Variants in FBXL5 observed in about 807,000 individuals in gnomAD.
FBXL5 encodes F-box and leucine rich repeat protein 5, also known as F-box/LRR-repeat protein 5.
FBXL5 carries 26 observed loss-of-function variants against 78.3 expected under a neutral mutation model. That is an observed-to-expected ratio of 0.33 (90% CI 0.24 to 0.46). FBXL5 has a LOEUF of 0.46. FBXL5 is among the 20% of genes least tolerant of loss of function. The probability of loss-of-function intolerance (pLI) is 1.00; values close to 1 mark genes in which losing one functional copy is unlikely to be tolerated. For missense variants in FBXL5, 710 were observed against 829.2 expected (o/e 0.86, Z 1.77); for synonymous variants, 295 against 282.5 (o/e 1.04, Z -0.45).
intron 3 of FBXL5, 23 bp from the exon 4 acceptor site, chr4:15,638,717 G>A (rs377172431): frequency 4.7e-4 from 670 of 1,438,056 alleles, no homozygotes; most frequent in Non-Finnish European, 6.0e-4. Context: ...AAATATTCAC[G>A]AGGAAAGATG....
chr4:15,675,064 A>G (rs1717934322), intron 1 of FBXL5, among the ~76,000 whole-genome samples: 1 of 152,228 alleles, frequency 6.6e-6, no homozygotes, highest in East Asian at 1.9e-4. Flanking sequence ...TGCCACTACA[A>G]AACACTTTAT....
At chr4:15,673,380 G>GCAGT (rs1717843788) in intron 1 of FBXL5, among the ~76,000 whole-genome samples, 1 of 152,120 alleles carries the variant, frequency 6.6e-6, no homozygotes, top group Admixed American at 6.5e-5. Flanking sequence ...GGTCGAGGCT[G>GCAGT]CAGTGAGCCA....
At position 15,625,330 on chromosome 4, in the gene FBXL5, T is replaced by A; in HGVS notation, c.1772A>T (p.Lys591Ile). 6.2e-7 allele frequency: 1 copy of A among 1,614,200 alleles called. No individual in the cohort carries two copies. The change falls in exon 9 of 11, where the codon AAA becomes ATA. Residue 591 changes from lysine to isoleucine, a missense_variant. Lys to Ile is a moderately radical substitution (Grantham distance 102). Around this residue, in one of 4 missense-constraint regions of FBXL5, gnomAD observed 517 missense variants for 542.9 expected, o/e 0.95. Transcript: ENST00000341285. ...GKDLIYFGSEKSDQETGRVLL... is the reference protein window; with the variant it reads ...GKDLIYFGSEISDQETGRVLL... ...TACACGTCCAGTCTCTTGATCAGATTTTTCACTCCCAAAGTAAATTAAGTC... is the reference window on the plus strand; with the variant it reads ...TACACGTCCAGTCTCTTGATCAGATATTTCACTCCCAAAGTAAATTAAGTC...
chr4:15,636,103 TA>T (rs1459470763), intron 5 of FBXL5, among the ~76,000 whole-genome samples: 2 of 152,036 alleles, frequency 1.3e-5, no homozygotes, highest in Non-Finnish European at 2.9e-5. Flanking sequence ...TAATTATTAT[TA>T]AACATAATTA....
chr4:15,626,992 G>A, intron 7 of FBXL5, 37 bp from the exon 8 acceptor site: 1 of 1,382,736 alleles, frequency 7.2e-7, no homozygotes, highest in East Asian at 2.3e-5. Flanking sequence ...AAGATCTGCA[G>A]AACTTCAGTT....
intron 3 of FBXL5, among the ~76,000 whole-genome samples, chr4:15,639,303 T>A (rs1218978297): frequency 6.6e-6 from 1 of 152,256 alleles, no homozygotes; most frequent in Admixed American, 6.5e-5. Flanking sequence ...TTCTGTTAGA[T>A]GTTTAGGTCA....
chr4:15,632,033 G>A (rs1453674684), intron 5 of FBXL5, among the ~76,000 whole-genome samples: 3 of 152,148 alleles, frequency 2.0e-5, no homozygotes, highest in African/African-American at 7.2e-5. Context: ...TTCTTCTAGG[G>A]TTTTTATGGT....
At chr4:15,644,906 G>A (rs527265460) in intron 1 of FBXL5, among the ~76,000 whole-genome samples, 198 bp from the exon 2 acceptor site, 31 of 152,282 alleles carry the variant, frequency 2.0e-4, no homozygotes, top group Non-Finnish European at 3.5e-4. Context: ...GAAGATGTTG[G>A]TTTGCATTCT....
intron 9 of FBXL5, among the ~76,000 whole-genome samples, chr4:15,624,932 A>G (rs369663447): frequency 6.6e-6 from 1 of 152,232 alleles, no homozygotes; most frequent in Admixed American, 6.5e-5. Context: ...TTCTTGTTAC[A>G]TGTTCTTGAG....
intron 1 of FBXL5, among the ~76,000 whole-genome samples, chr4:15,669,977 CATT>C (rs1717693733): frequency 6.6e-6 from 1 of 152,062 alleles, no homozygotes; most frequent in Non-Finnish European, 1.5e-5. Context: ...TGGAAAAGGA[CATT>C]ATTATAGAAA....
chr4:15,658,398 C>T (rs1345581645), upstream of FBXL5, among the ~76,000 whole-genome samples: 1 of 152,210 alleles, frequency 6.6e-6, no homozygotes, highest in African/African-American at 2.4e-5. Context: ...GAAACTTAAT[C>T]CCCAATAAGG....
At chr4:15,652,981 T>C (rs1296208893) in intron 1 of FBXL5, among the ~76,000 whole-genome samples, 1 of 152,148 alleles carries the variant, frequency 6.6e-6, no homozygotes, top group African/African-American at 2.4e-5. Flanking sequence ...TTCCTTTAAT[T>C]CCTTTAAGAT....
chr4:15,640,353 T>C (rs1187789351), intron 3 of FBXL5, among the ~76,000 whole-genome samples: 1 of 116,150 alleles, frequency 8.6e-6, no homozygotes, highest in African/African-American at 3.4e-5. Flanking sequence ...CCAAGACTAA[T>C]ACATTTAAAG....
chr4:15,649,704 GA>G (rs973797647), intron 1 of FBXL5, among the ~76,000 whole-genome samples: 2 of 151,416 alleles, frequency 1.3e-5, no homozygotes, highest in East Asian at 1.9e-4. Context: ...ACTTTATGGA[GA>G]AAAAAAACCT....
chr4:15,627,627 AAACTG>A (rs1315382686), intron 7 of FBXL5, among the ~76,000 whole-genome samples: 6 of 152,226 alleles, frequency 3.9e-5, no homozygotes, highest in African/African-American at 1.4e-4. Context: ...AACATCTGTG[AAACTG>A]AATAAAATGT....
intron 9 of FBXL5, among the ~76,000 whole-genome samples, chr4:15,618,698 T>G (rs1315699337): frequency 6.6e-6 from 1 of 151,886 alleles, no homozygotes; most frequent in African/African-American, 2.4e-5. Context: ...AAAAATTAGC[T>G]GGGCGTGGTG....
At chr4:15,615,496 G>A (rs201873990) in intron 9 of FBXL5, among the ~76,000 whole-genome samples, 3 of 148,444 alleles carry the variant, frequency 2.0e-5, no homozygotes, top group South Asian at 4.4e-4. Flanking sequence ...TCTGTATCTA[G>A]CTGCTCTGGT....
upstream of FBXL5, among the ~76,000 whole-genome samples, chr4:15,657,531 T>C (rs183065394): frequency 1.3e-5 from 2 of 152,344 alleles, no homozygotes; most frequent in East Asian, 3.9e-4. Flanking sequence ...CCACACAGTT[T>C]CACTGTAACC....
chr4:15,664,457 A>G (rs1256770783), upstream of FBXL5, among the ~76,000 whole-genome samples: 4 of 151,624 alleles, frequency 2.6e-5, no homozygotes, highest in Non-Finnish European at 4.4e-5. Context: ...CTGATGAGGT[A>G]CCTAGTACAG....
Sources: allele counts gnomAD v4.1 joint callset (sites outside exome capture counted in the v4.1 genomes callset), GRCh38; gene constraint gnomAD v4.1.1; regional missense constraint gnomAD v4.1.1; transcripts MANE v1.5; gene names NCBI Gene and HGNC (gene_info 2026-07-23, HGNC 2026-07-21).